The following RARB variants were observed in gnomAD, a reference collection of about 807,000 sequenced individuals.
The protein encoded by RARB is retinoic acid receptor beta.
A neutral mutation model predicts 51.9 loss-of-function variants in RARB; 17 were observed. The ratio of observed to expected loss-of-function variants is 0.33; its 90% CI spans 0.22 to 0.49. The LOEUF (loss-of-function observed/expected upper bound fraction) is 0.49. RARB is among the 20% of genes least tolerant of loss of function. The pLI, the probability that RARB is intolerant of heterozygous loss-of-function variation, is 0.99. For synonymous variants in RARB, 215 were observed against 195.4 expected (o/e 1.10, Z -0.84); for missense variants, 369 against 550.8 (o/e 0.67, Z 3.30).
intron 1 of RARB, among the ~76,000 whole-genome samples, chr3:24,838,941 A>G (rs1206196950): frequency 7.7e-6 from 1 of 129,182 alleles, no homozygotes. Context: ...TTTTTTTTTT[A>G]ATGTCAACTA....
At chr3:24,972,018 T>C (rs1027577374) in intron 2 of RARB, among the ~76,000 whole-genome samples, 3 of 152,106 alleles carry the variant, frequency 2.0e-5, no homozygotes, top group South Asian at 4.1e-4. Flanking sequence ...TATTCTCTTC[T>C]AGCTATTTTG....
chr3:25,330,421 A>G (rs1265411947), intron 5 of RARB, among the ~76,000 whole-genome samples: 1 of 152,214 alleles, frequency 6.6e-6, no homozygotes, highest in Non-Finnish European at 1.5e-5. Flanking sequence ...ACTAAGCTTC[A>G]TAAGTGAAGG....
intron 2 of RARB, among the ~76,000 whole-genome samples, chr3:24,993,174 T>A (rs1168284750): frequency 6.6e-6 from 1 of 152,178 alleles, no homozygotes; most frequent in Admixed American, 6.5e-5. Context: ...GACATGATGA[T>A]TCTGGTGAAA....
chr3:24,864,500 C>G (rs757671457), intron 2 of RARB, among the ~76,000 whole-genome samples: 3 of 152,284 alleles, frequency 2.0e-5, no homozygotes, highest in Non-Finnish European at 4.4e-5. Flanking sequence ...ATCTATACTT[C>G]CAGCCCTGCT....
intron 5 of RARB, among the ~76,000 whole-genome samples, chr3:25,218,861 C>T (rs1406880666): frequency 1.3e-5 from 2 of 152,130 alleles, no homozygotes; most frequent in Non-Finnish European, 2.9e-5. Flanking sequence ...TGCTTACTCC[C>T]CATCCAGTGG....
At chr3:24,849,607 T>C (rs943486598) in intron 1 of RARB, among the ~76,000 whole-genome samples, 5 of 152,236 alleles carry the variant, frequency 3.3e-5, no homozygotes, top group African/African-American at 4.8e-5. Context: ...TCACAGCCAA[T>C]AGGACTGTAA....
At chr3:25,041,325 A>C (rs959397496) in intron 2 of RARB, among the ~76,000 whole-genome samples, 2 of 152,088 alleles carry the variant, frequency 1.3e-5, no homozygotes, top group Non-Finnish European at 2.9e-5. Context: ...TATGATTCAC[A>C]AGTTTTTTTC....
At chr3:25,303,360 G>A (rs322667) in intron 5 of RARB, among the ~76,000 whole-genome samples, 31,391 of 152,122 alleles carry the variant, frequency 0.21, 3,659 homozygotes, top group South Asian at 0.43. Context: ...GACTGCATTT[G>A]TCACAGGACT....
chr3:25,463,840 G>A lies in RARB; in HGVS notation c.306+2499G>A, dbSNP rs79954599. Among the ~76,000 whole-genome samples, 458 of 152,246 alleles carry A rather than the reference G, an allele frequency of 3.0e-3. 4 individuals carry two copies. Among genetic ancestry groups the A allele is most frequent in the Non-Finnish European group, 4.9e-3 (332 of 68,024 alleles). On this transcript the variant is annotated intron_variant, in intron 2 of 7. Coordinates refer to ENST00000330688, the MANE Select transcript of RARB (RefSeq NM_000965.5). Reference sequence around the variant, plus strand: ...GCTTAGGAACATCTCTCTGCCTCTGGAATTGTGCTATTTTATGGCAATTCT... The same window carrying A: ...GCTTAGGAACATCTCTCTGCCTCTGAAATTGTGCTATTTTATGGCAATTCT...
intron 2 of RARB, among the ~76,000 whole-genome samples, chr3:24,998,080 G>A (rs1461217907): frequency 6.6e-6 from 1 of 152,056 alleles, no homozygotes; most frequent in Non-Finnish European, 1.5e-5. Context: ...ACTGCTAGAT[G>A]TTTTACTTGC....
intron 5 of RARB, among the ~76,000 whole-genome samples, chr3:25,221,912 A>G (rs1011369480): frequency 2.6e-5 from 4 of 152,240 alleles, no homozygotes; most frequent in Non-Finnish European, 1.5e-5. Flanking sequence ...GATCAGTGCC[A>G]AAAACATGGT....
At chr3:25,570,223 C>A (rs1575528727) in intron 4 of RARB, among the ~76,000 whole-genome samples, 2 of 152,316 alleles carry the variant, frequency 1.3e-5, no homozygotes, top group African/African-American at 2.4e-5. Flanking sequence ...TAAGCCCTGG[C>A]AACATGAACT....
chr3:24,841,821 C>T (rs1369038683), intron 1 of RARB, among the ~76,000 whole-genome samples: 1 of 152,124 alleles, frequency 6.6e-6, no homozygotes, highest in East Asian at 1.9e-4. Context: ...ATACACACTG[C>T]ACACATTTTA....
chr3:25,046,289 A>G (rs570538278), intron 2 of RARB, among the ~76,000 whole-genome samples: 1 of 152,320 alleles, frequency 6.6e-6, no homozygotes, highest in African/African-American at 2.4e-5. Flanking sequence ...GCAGAAAAGG[A>G]TCAAAATAGT....
chr3:25,146,523 T>TTTTTC (rs1700196076), intron 4 of RARB, among the ~76,000 whole-genome samples: 1 of 147,372 alleles, frequency 6.8e-6, no homozygotes, highest in African/African-American at 2.6e-5. Context: ...TTTTTTTTTT[T>TTTTTC]TGAGACAAGA....
At chr3:25,030,077 G>C (rs996090763) in intron 2 of RARB, among the ~76,000 whole-genome samples, 8 of 152,218 alleles carry the variant, frequency 5.3e-5, no homozygotes, top group African/African-American at 1.9e-4. Flanking sequence ...TTCAGTGCTA[G>C]AATGGAGTCA....
At chr3:25,469,529 C>T (rs1196750775) in intron 2 of RARB, among the ~76,000 whole-genome samples, 1 of 152,178 alleles carries the variant, frequency 6.6e-6, no homozygotes, top group East Asian at 1.9e-4. Flanking sequence ...ATGAAACCTG[C>T]CATAAACTTC....
chr3:25,400,788 C>G (rs942096377), intron 5 of RARB, among the ~76,000 whole-genome samples: 1 of 152,140 alleles, frequency 6.6e-6, no homozygotes, highest in Non-Finnish European at 1.5e-5. Flanking sequence ...AGTTATTCAA[C>G]ACTTTTACTT....
intron 2 of RARB, among the ~76,000 whole-genome samples, chr3:24,944,356 T>G (rs1041678711): frequency 1.3e-5 from 2 of 152,252 alleles, no homozygotes; most frequent in Non-Finnish European, 2.9e-5. Flanking sequence ...GTATGATTGT[T>G]GTTGAAAGCC....
Sources: allele counts gnomAD v4.1 joint callset (sites outside exome capture counted in the v4.1 genomes callset), GRCh38; gene constraint gnomAD v4.1.1; transcripts MANE v1.5; gene names NCBI Gene and HGNC (gene_info 2026-07-23, HGNC 2026-07-21).